Variants in KBTBD12 observed in about 807,000 individuals in gnomAD.
KBTBD12 encodes the protein kelch repeat and BTB domain containing 12.
In KBTBD12, 53 loss-of-function variants were observed where a neutral mutation model predicts 58.7. The observed-to-expected ratio is 0.90, with a 90% CI of 0.72 to 1.14. The LOEUF (loss-of-function observed/expected upper bound fraction) is 1.14, where lower values mean the gene tolerates loss of function less well. Ranked by LOEUF, KBTBD12 falls within the 50% of genes most tolerant of loss-of-function variation. The pLI is 0.00. For missense variants in KBTBD12, 704 were observed against 751.3 expected (o/e 0.94, Z 0.74); for synonymous variants, 236 against 259.8 (o/e 0.91, Z 0.88).
In KBTBD12 at chr3:127,916,856, G is replaced by A. The variant is rs569805683; in HGVS notation, c.-113+1270G>A. ...TTGAGGGTGCAAGTGAAAACTGGGT[G>A]TCATAGTGCATCACGCTATAAGCAA... On this transcript the variant is annotated intron_variant, in intron 1 of 5. Coordinates refer to ENST00000405109, the MANE Select transcript of KBTBD12 (RefSeq NM_207335.4). Among the ~76,000 whole-genome samples, 3 of 152,292 alleles carry A rather than the reference G, an allele frequency of 2.0e-5. No homozygotes were observed. The South Asian group carries it at 6.2e-4, about 32-fold the overall frequency.
At chr3:127,925,999 A>T (rs1939558724) in intron 2 of KBTBD12, among the ~76,000 whole-genome samples, 1 of 152,178 alleles carries the variant, frequency 6.6e-6, no homozygotes, top group Admixed American at 6.5e-5. Context: ...TTAAAAGAGG[A>T]AGTAGACTAG....
rs56216317 is a variant in KBTBD12, at chr3:127,945,164, C to CTTTTTTTTTTTTTTTTT, written c.1492+14903_1492+14919dup. On this transcript the variant is annotated intron_variant, in intron 4 of 5. Coordinates refer to ENST00000405109, the MANE Select transcript of KBTBD12 (RefSeq NM_207335.4). ...TGTTTTTTTTAAAAATAGTAGCTAT[C>CTTTTTTTTTTTTTTTTT]TTTTTTTTTTTTTTTTTTTTTTTTT... Among the ~76,000 whole-genome samples the CTTTTTTTTTTTTTTTTT allele has an allele frequency of 5.2e-4, 15 of 28,772 alleles. 6 individuals are homozygous for CTTTTTTTTTTTTTTTTT. Among genetic ancestry groups the CTTTTTTTTTTTTTTTTT allele is most frequent in the Non-Finnish European group, 6.9e-4 (10 of 14,564 alleles). The allele number at this position is 28,772 out of a possible 152,430, so 18.9% of individuals were successfully genotyped here. A position where few individuals can be genotyped will look rare whatever the true frequency, so the allele number is the denominator to read the frequency against.
chr3:127,958,721 T>A (rs771878838), intron 4 of KBTBD12, among the ~76,000 whole-genome samples: 2 of 152,218 alleles, frequency 1.3e-5, no homozygotes, highest in Non-Finnish European at 2.9e-5. Context: ...AACTTGGTCT[T>A]CCCCTTGAAG....
At chr3:127,957,438 T>C (rs907049736) in intron 4 of KBTBD12, among the ~76,000 whole-genome samples, 1 of 152,172 alleles carries the variant, frequency 6.6e-6, no homozygotes, top group Non-Finnish European at 1.5e-5. Context: ...GACCACTTCA[T>C]AGAAGTACTA....
At chr3:127,981,948 C>T (rs1421927164) in intron 5 of KBTBD12, among the ~76,000 whole-genome samples, 5 of 152,126 alleles carry the variant, frequency 3.3e-5, no homozygotes, top group Non-Finnish European at 7.4e-5. Flanking sequence ...CATGCTGAAA[C>T]GAGGCTGGGC....
intron 4 of KBTBD12, among the ~76,000 whole-genome samples, chr3:127,960,986 T>C (rs867263924): frequency 1.3e-5 from 2 of 152,234 alleles, no homozygotes; most frequent in East Asian, 1.9e-4. Context: ...ATTTGTGAGC[T>C]GGATTCAGGA....
chr3:127,935,548 C>T (rs767947931), intron 4 of KBTBD12, among the ~76,000 whole-genome samples: 7 of 151,940 alleles, frequency 4.6e-5, no homozygotes, highest in Non-Finnish European at 8.8e-5. Flanking sequence ...ATCACTTGAG[C>T]CCAAGAGTTC....
At position 127,964,627 on chromosome 3, in the gene KBTBD12, C is replaced by T. The variant is rs182310442; in HGVS notation, c.1690+1241C>T. Among the ~76,000 whole-genome samples, 46 of 129,476 alleles carry T rather than the reference C, an allele frequency of 3.6e-4. No homozygotes were observed. In the East Asian group the frequency reaches 8.4e-3, roughly 24 times the overall value. 84.9% of individuals were successfully genotyped at this position (129,476 alleles called of 152,430 possible). A position where few individuals can be genotyped will look rare whatever the true frequency, so the allele number is the denominator to read the frequency against. ...ACTACACTCCAGCCTGGCAACAGAG[C>T]GAGACTCCATCTCAAAAAAAAAAAA... On this transcript the variant is annotated intron_variant, in intron 5 of 5. Coordinates refer to ENST00000405109, the MANE Select transcript of KBTBD12 (RefSeq NM_207335.4).
At chr3:127,942,098 CCTAT>C (rs1939962378) in intron 4 of KBTBD12, among the ~76,000 whole-genome samples, 1 of 152,048 alleles carries the variant, frequency 6.6e-6, no homozygotes, top group Admixed American at 6.6e-5. Flanking sequence ...TCTAAAAGGG[CCTAT>C]CTTTTACATT....
At chr3:127,940,333 T>C (rs1576378639) in intron 4 of KBTBD12, among the ~76,000 whole-genome samples, 1 of 152,044 alleles carries the variant, frequency 6.6e-6, no homozygotes, top group Middle Eastern at 3.2e-3. Context: ...ATAGACCATA[T>C]CCTGAGTCAT....
At position 127,986,355 on chromosome 3, in the gene KBTBD12, T is replaced by C. The variant is rs1351124517; in HGVS notation, c.*2077T>C. 1 of 152,626 alleles carries C rather than the reference T, an allele frequency of 6.6e-6. No homozygotes were observed. The highest frequency in any genetic ancestry group is 6.5e-5 in the Admixed American group (1 of 15,284). The allele number at this position is 152,626 out of a possible 1,614,324, so 9.5% of individuals were successfully genotyped here. ...GTGAAATCCTGAAATAATAAGCATG[T>C]TTTAGCTGCCATTATTATCATCACT... On this transcript the variant is annotated 3_prime_UTR_variant, in exon 6 of 6. Transcript: ENST00000405109.
At chr3:127,975,382 A>G (rs1221194939) in intron 5 of KBTBD12, among the ~76,000 whole-genome samples, 1 of 152,214 alleles carries the variant, frequency 6.6e-6, no homozygotes, top group Non-Finnish European at 1.5e-5. Context: ...GATATGGCTG[A>G]CATCTGGTAT....
At chr3:127,926,977 T>C (rs1276114735) in intron 2 of KBTBD12, among the ~76,000 whole-genome samples, 2 of 152,134 alleles carry the variant, frequency 1.3e-5, no homozygotes, top group Non-Finnish European at 1.5e-5. Context: ...ATAATCATGA[T>C]GCAAGACAAA....
At chr3:127,947,009 C>T (rs1274520357) in intron 4 of KBTBD12, among the ~76,000 whole-genome samples, 4 of 152,152 alleles carry the variant, frequency 2.6e-5, no homozygotes, top group South Asian at 2.1e-4. Flanking sequence ...GTGAATTTCT[C>T]TACTTTTCTC....
chr3:127,983,129 G>A (rs553141456), intron 5 of KBTBD12, among the ~76,000 whole-genome samples: 2 of 152,316 alleles, frequency 1.3e-5, no homozygotes, highest in South Asian at 2.1e-4. Context: ...TGGAGACAAC[G>A]GCATGCCCTG....
intron 4 of KBTBD12, among the ~76,000 whole-genome samples, chr3:127,935,421 T>C (rs573232048): frequency 9.9e-5 from 15 of 152,170 alleles, no homozygotes; most frequent in African/African-American, 3.6e-4. Flanking sequence ...AAAATACATG[T>C]TAGAATTTTA....
chr3:127,965,100 AAAG>A (rs1336148506), intron 5 of KBTBD12, among the ~76,000 whole-genome samples: 7 of 152,244 alleles, frequency 4.6e-5, no homozygotes, highest in African/African-American at 1.4e-4. Context: ...CTTGGCCAGA[AAAG>A]AAGGACAGAG....
intron 4 of KBTBD12, among the ~76,000 whole-genome samples, chr3:127,950,226 C>T (rs906513775): frequency 6.6e-6 from 1 of 152,098 alleles, no homozygotes; most frequent in African/African-American, 2.4e-5. Flanking sequence ...GAAGAAAACA[C>T]ACATGCAGGG....
At chr3:127,973,717 G>T (rs1438138249) in intron 5 of KBTBD12, among the ~76,000 whole-genome samples, 1 of 152,152 alleles carries the variant, frequency 6.6e-6, no homozygotes, top group South Asian at 2.1e-4. Flanking sequence ...GACTCTAGAT[G>T]CAGAATACAC....
Sources: gnomAD v4.1 joint callset for allele counts (sites outside exome capture counted in the v4.1 genomes callset) on GRCh38, gnomAD v4.1.1 for gene constraint, MANE v1.5 for transcripts, NCBI Gene and HGNC (gene_info 2026-07-23, HGNC 2026-07-21) for gene names.